Variants in BMI1 observed in about 807,000 individuals in gnomAD.
The protein encoded by BMI1 is BMI1 proto-oncogene, polycomb ring finger.
A neutral mutation model predicts 39.1 loss-of-function variants in BMI1; 9 were observed. That is an observed-to-expected ratio of 0.23 (90% confidence interval 0.14 to 0.40). The LOEUF (loss-of-function observed/expected upper bound fraction) is 0.40, where lower values mean the gene tolerates loss of function less well. BMI1 is among the 10% of genes least tolerant of loss of function. The probability of loss-of-function intolerance (pLI) is 1.00; values close to 1 mark genes in which losing one functional copy is unlikely to be tolerated. For missense variants in BMI1, 252 were observed against 390.8 expected (o/e 0.64, Z 2.99); for synonymous variants, 131 against 127.9 (o/e 1.02, Z -0.16).
Position 22,329,128 on chromosome 10 carries a change from G to A in BMI1, c.651G>A (p.Arg217=), listed in dbSNP as rs1389917492. 2 of 1,612,264 alleles carry A rather than the reference G, an allele frequency of 1.2e-6. No homozygotes were observed. Among genetic ancestry groups the A allele is most frequent in the South Asian group, 1.1e-5 (1 of 90,544 alleles). The change falls in exon 9 of 10, where the codon AGG becomes AGA. Residue 217 remains arginine, a splice_region_variant and synonymous_variant. Transcript: ENST00000376663. ...MDIAYIYTWR[R]NGPLPLKYRV... The stretch of plus-strand genomic sequence containing the variant: ...TTGCCTACATTTATACCTGGAGAAG[G>A]GTAAGTAGCATATCTGTTGTTAGAT...
chr10:22,325,585 GC>G (rs1305571636), intron 1 of BMI1: 3 of 7,526 alleles, frequency 4.0e-4, no homozygotes, highest in Non-Finnish European at 8.4e-4. Context: ...CACCCACCCC[GC>G]CCCCGCGCCG....
chr10:22,327,902 T>A, intron 5 of BMI1, 48 bp from the exon 6 acceptor site: 2 of 1,580,968 alleles, frequency 1.3e-6, no homozygotes, highest in Non-Finnish European at 1.7e-6. Context: ...ATATAAAATT[T>A]ATTAGGCATC....
At position 22,329,028 on chromosome 10, in the gene BMI1, A is replaced by T. The variant is rs773590680; in HGVS notation, c.571-20A>T. The T allele has an allele frequency of 4.4e-6, 7 of 1,575,818 alleles. No individual in the cohort carries two copies. Among genetic ancestry groups the T allele is most frequent in the Non-Finnish European group, 6.0e-6 (7 of 1,162,190 alleles). Reference sequence around the variant, plus strand: ...TTTACCTTTGTTCTTTTATTACTTAATAAAAATATTTTTCACTAGATTGAT... The same window carrying T: ...TTTACCTTTGTTCTTTTATTACTTATTAAAAATATTTTTCACTAGATTGAT... On this transcript the variant is annotated intron_variant, in intron 8 of 9. Transcript: ENST00000376663.
At chr10:22,325,752 C>G (rs1836131796) in intron 1 of BMI1, 1 of 151,974 alleles carries the variant, frequency 6.6e-6, no homozygotes, top group Non-Finnish European at 1.5e-5. Context: ...GAAACCCCGA[C>G]CGAGGCGAGT....
chr10:22,321,133 C>T lies in BMI1; in HGVS notation c.-583C>T, dbSNP rs1332960661. 1 of 147,562 alleles carries T rather than the reference C, an allele frequency of 6.8e-6. No individual in the cohort carries two copies. The allele number at this position is 147,562 out of a possible 1,614,324, so 9.1% of individuals were successfully genotyped here. Reference sequence around the variant, plus strand: ...TCTGCCTTCAGCGGTGCATTTTTTTCCACCCTCCCCTCCCCCTCCTCCCCT... The same window carrying T: ...TCTGCCTTCAGCGGTGCATTTTTTTTCACCCTCCCCTCCCCCTCCTCCCCT... On this transcript the variant is annotated 5_prime_UTR_variant, in exon 1 of 10. Coordinates refer to ENST00000376663, the MANE Select transcript of BMI1 (RefSeq NM_005180.9).
At chr10:22,327,855 T>C (rs557061825) in intron 5 of BMI1, 63 bp downstream of exon 5, 342 of 1,602,478 alleles carry the variant, frequency 2.1e-4, no homozygotes, top group Non-Finnish European at 2.5e-4. Context: ...GGAATTAAAA[T>C]GTATTAAAAT....
intron 3 of BMI1, among the ~76,000 whole-genome samples, 186 bp downstream of exon 3, chr10:22,327,172 T>C (rs896400661): frequency 2.0e-5 from 3 of 152,196 alleles, no homozygotes; most frequent in Non-Finnish European, 2.9e-5. Context: ...AGACAAAGTT[T>C]AGTAGTATTC....
chr10:22,327,351 C>T (rs1164402932), intron 3 of BMI1, among the ~76,000 whole-genome samples: 1 of 152,104 alleles, frequency 6.6e-6, no homozygotes, highest in Non-Finnish European at 1.5e-5. Context: ...TTGAAAGGCA[C>T]ACTTCTTTTG....
chr10:22,322,726 C>T (rs1836038937), intron 1 of BMI1, among the ~76,000 whole-genome samples: 2 of 152,210 alleles, frequency 1.3e-5, no homozygotes, highest in South Asian at 4.1e-4. Flanking sequence ...TGACTCCAGT[C>T]CACTATCTTT....
intron 2 of BMI1, 99 bp downstream of exon 2, chr10:22,326,660 T>A: frequency 6.5e-7 from 1 of 1,533,140 alleles, no homozygotes. Flanking sequence ...TGTGGAAATG[T>A]TGGTACAAAG....
At chr10:22,327,817 CATTTT>C (rs746957758) in intron 5 of BMI1, 25 bp downstream of exon 5, 14 of 1,612,868 alleles carry the variant, frequency 8.7e-6, no homozygotes, top group Non-Finnish European at 1.2e-5. Context: ...GGAGGGAAGA[CATTTT>C]ATATGGGGGG....
intron 1 of BMI1, among the ~76,000 whole-genome samples, chr10:22,324,825 T>C (rs563643805): frequency 2.4e-4 from 36 of 152,362 alleles, no homozygotes; most frequent in Admixed American, 1.3e-3. Context: ...TTTTCAAGAA[T>C]ACTACACGAA....
chr10:22,324,344 G>A (rs962993775), intron 1 of BMI1, among the ~76,000 whole-genome samples: 3 of 152,198 alleles, frequency 2.0e-5, no homozygotes, highest in African/African-American at 7.2e-5. Flanking sequence ...GCACCAAGAA[G>A]GCTGTTCTTT....
intron 8 of BMI1, 81 bp from the exon 9 acceptor site, chr10:22,328,967 A>G (rs760487741): frequency 7.3e-7 from 1 of 1,370,582 alleles, no homozygotes; most frequent in Admixed American, 2.4e-5. Flanking sequence ...TTCTTAAAGC[A>G]CTTTTGGATT....
At chr10:22,326,264 G>T (rs1836148632) in intron 1 of BMI1, among the ~76,000 whole-genome samples, 167 bp from the exon 2 acceptor site, 1 of 152,050 alleles carries the variant, frequency 6.6e-6, no homozygotes, top group Non-Finnish European at 1.5e-5. Flanking sequence ...CAGTTTGGTA[G>T]AACTGATTCC....
At chr10:22,321,826 A>C (rs1456352845) in intron 1 of BMI1, 130 bp downstream of exon 1, 2 of 141,388 alleles carry the variant, frequency 1.4e-5, no homozygotes, top group African/African-American at 2.5e-5. Context: ...GGGCGCTGAC[A>C]GCGTGGGCGC....
At position 22,329,531 on chromosome 10, in the gene BMI1, T is replaced by A. The variant is rs749643858; in HGVS notation, c.970T>A (p.Ser324Thr). The A allele has an allele frequency of 3.1e-6, 5 of 1,613,662 alleles. No individual in the cohort carries two copies. Among genetic ancestry groups the A allele is most frequent in the Non-Finnish European group, 4.2e-6 (5 of 1,179,740 alleles). ...KSSVNGSSATSSG is the reference protein window; with the variant it reads ...KSSVNGSSATTSG ...ATCAGTAAATGGGTCATCAGCAACT[T>A]CTTCTGGTTGATACCTGAGACTGTT... Residue 324 changes from serine to threonine, a missense_variant, in exon 10 of 10, where the codon TCT (serine) becomes ACT (threonine). Physicochemically the swap from Ser to Thr is moderately conservative, Grantham distance 58. Transcript: ENST00000376663.
In BMI1 at chr10:22,330,150, C is replaced by A. The variant is rs971261518; in HGVS notation, c.*608C>A. The A allele has an allele frequency of 6.5e-6, 1 of 152,974 alleles. No homozygotes were observed. Among genetic ancestry groups the A allele is most frequent in the Non-Finnish European group, 1.5e-5 (1 of 68,344 alleles). 9.5% of individuals were successfully genotyped at this position (152,974 alleles called of 1,614,324 possible). On this transcript the variant is annotated 3_prime_UTR_variant, in exon 10 of 10. Coordinates refer to ENST00000376663, the MANE Select transcript of BMI1 (RefSeq NM_005180.9). ...GTTTTACAATCTGTATGCCTAAAAG[C>A]GGGTACTACCGTTTATTTTACTGAC...
At position 22,326,552 on chromosome 10, in the gene BMI1, C is replaced by T. The variant is rs1489222017; in HGVS notation, c.103C>T (p.Leu35=). ...FIDATTIIEC[L]HSFCKTCIVR... ...TGATGCCACAACCATAATAGAATGT[C>T]TACATTCCTGTAAGTACCGAGCTTT... Residue 35 remains leucine, a synonymous_variant, in exon 2 of 10, where the codon CTA becomes TTA. Coordinates refer to ENST00000376663, the MANE Select transcript of BMI1 (RefSeq NM_005180.9). The T allele has an allele frequency of 6.2e-7, 1 of 1,613,952 alleles. No individual in the cohort carries two copies.
Sources: gnomAD v4.1 joint callset for allele counts (sites outside exome capture counted in the v4.1 genomes callset) on GRCh38, gnomAD v4.1.1 for gene constraint, MANE v1.5 for transcripts, NCBI Gene and HGNC (gene_info 2026-07-23, HGNC 2026-07-21) for gene names.